Variants in SLC15A2 observed in about 807,000 individuals in gnomAD.
The protein encoded by SLC15A2 is solute carrier family 15 member 2.
A neutral mutation model predicts 95.5 loss-of-function variants in SLC15A2; 77 were observed. The ratio of observed to expected loss-of-function variants is 0.81; its 90% CI spans 0.67 to 0.97. The LOEUF (loss-of-function observed/expected upper bound fraction) is 0.97, where lower values mean the gene tolerates loss of function less well. Among genes scored for constraint, SLC15A2 ranks in the 50% least tolerant of loss-of-function variants. The pLI is 0.00. For missense variants in SLC15A2, 893 were observed against 874.4 expected (o/e 1.02, Z -0.27); for synonymous variants, 306 against 306.9 (o/e 1.00, Z 0.03).
intron 3 of SLC15A2, among the ~76,000 whole-genome samples, chr3:121,911,190 C>T (rs1056305596): frequency 1.3e-5 from 2 of 152,216 alleles, no homozygotes; most frequent in Non-Finnish European, 2.9e-5. Context: ...ATATCCTCTT[C>T]TACTGGTTCT....
chr3:121,898,250 C>T (rs1217854044), intron 3 of SLC15A2, among the ~76,000 whole-genome samples: 2 of 151,990 alleles, frequency 1.3e-5, no homozygotes, highest in African/African-American at 2.4e-5. Context: ...TATCCCACCT[C>T]CTTTAGGATC....
chr3:121,909,266 T>C (rs1389131181), intron 3 of SLC15A2, among the ~76,000 whole-genome samples: 1 of 152,090 alleles, frequency 6.6e-6, no homozygotes, highest in Admixed American at 6.5e-5. Flanking sequence ...TTTCACTGTG[T>C]TGGCCAGGCT....
chr3:121,933,605 G>T (rs1710276836), intron 19 of SLC15A2, among the ~76,000 whole-genome samples: 1 of 149,410 alleles, frequency 6.7e-6, no homozygotes, highest in African/African-American at 2.5e-5. Context: ...TTTTTGATGG[G>T]GTTGTTTGTT....
At chr3:121,940,620 C>A in intron 21 of SLC15A2, 132 bp downstream of exon 21, 1 of 847,252 alleles carries the variant, frequency 1.2e-6, no homozygotes, top group Non-Finnish European at 1.9e-6. Context: ...GTTAGATATA[C>A]AGACTTTACC....
intron 19 of SLC15A2, among the ~76,000 whole-genome samples, chr3:121,935,633 C>T (rs550352955): frequency 2.7e-4 from 41 of 151,728 alleles, no homozygotes; most frequent in African/African-American, 7.3e-4. Context: ...TTTTTTATTG[C>T]GTCTATTTGA....
intron 1 of SLC15A2, among the ~76,000 whole-genome samples, chr3:121,895,623 A>T (rs1219818500): frequency 6.6e-6 from 1 of 152,226 alleles, no homozygotes; most frequent in East Asian, 1.9e-4. Flanking sequence ...TGTACTGAGG[A>T]CAGATACCTC....
intron 5 of SLC15A2, chr3:121,914,989 A>C: frequency 2.4e-6 from 3 of 1,266,786 alleles, no homozygotes; most frequent in Non-Finnish European, 3.0e-6. Flanking sequence ...GATTATTTTT[A>C]ACCTATGAAA....
At chr3:121,897,890 G>A (rs747793136) in intron 3 of SLC15A2, among the ~76,000 whole-genome samples, 8 of 152,110 alleles carry the variant, frequency 5.3e-5, no homozygotes, top group East Asian at 1.9e-4. Context: ...AGCCAGGTGC[G>A]GTGGCTCACG....
At chr3:121,936,269 T>A (rs1710344355) in intron 19 of SLC15A2, among the ~76,000 whole-genome samples, 1 of 152,206 alleles carries the variant, frequency 6.6e-6, no homozygotes, top group African/African-American at 2.4e-5. Flanking sequence ...GTTCTGTAGA[T>A]GTCTATTAGG....
At chr3:121,905,077 G>T (rs1164073141) in intron 3 of SLC15A2, among the ~76,000 whole-genome samples, 1 of 152,122 alleles carries the variant, frequency 6.6e-6, no homozygotes, top group Non-Finnish European at 1.5e-5. Flanking sequence ...TTTAGTCTTG[G>T]GAGGGTGTAT....
chr3:121,931,949 G>C (rs565224796), intron 19 of SLC15A2, among the ~76,000 whole-genome samples: 35 of 152,176 alleles, frequency 2.3e-4, no homozygotes, highest in Non-Finnish European at 4.4e-4. Context: ...GCGCAGGCTG[G>C]AGTGCTGTGG....
chr3:121,937,804 A>G (rs1416976173), intron 19 of SLC15A2, among the ~76,000 whole-genome samples: 1 of 152,150 alleles, frequency 6.6e-6, no homozygotes, highest in Non-Finnish European at 1.5e-5. Flanking sequence ...TCCGTTGCTG[A>G]TGAGGAACTG....
intron 10 of SLC15A2, 35 bp downstream of exon 10, chr3:121,923,164 A>C: frequency 6.2e-7 from 1 of 1,613,266 alleles, no homozygotes; most frequent in Non-Finnish European, 8.5e-7. Context: ...ACCGCTCCTT[A>C]CAGCCACTTC....
intron 3 of SLC15A2, among the ~76,000 whole-genome samples, chr3:121,899,337 T>C (rs548694823): frequency 2.6e-5 from 4 of 152,282 alleles, no homozygotes; most frequent in East Asian, 1.9e-4. Context: ...TCAGTTTTTA[T>C]GTATGTATCA....
chr3:121,936,337 T>G (rs1448208967), intron 19 of SLC15A2, among the ~76,000 whole-genome samples: 2 of 152,070 alleles, frequency 1.3e-5, no homozygotes, highest in East Asian at 1.9e-4. Flanking sequence ...TTTCTGTCTC[T>G]TTGATCTGTC....
chr3:121,907,146 A>G (rs1157602307), intron 3 of SLC15A2, among the ~76,000 whole-genome samples: 1 of 152,126 alleles, frequency 6.6e-6, no homozygotes, highest in East Asian at 1.9e-4. Context: ...TGAATCAGCT[A>G]TTGAAGCTTG....
intron 18 of SLC15A2, among the ~76,000 whole-genome samples, chr3:121,931,172 C>T (rs1441892801): frequency 6.6e-6 from 1 of 152,172 alleles, no homozygotes; most frequent in Non-Finnish European, 1.5e-5. Flanking sequence ...ATATAGTTAA[C>T]ACAGCCCATC....
chr3:121,913,203 T>C (rs1240548142), intron 5 of SLC15A2, 83 bp downstream of exon 5: 12 of 1,026,076 alleles, frequency 1.2e-5, no homozygotes, highest in South Asian at 2.7e-5. Context: ...TTTGCCAAGA[T>C]TGAAGTAATG....
intron 1 of SLC15A2, among the ~76,000 whole-genome samples, chr3:121,894,844 A>G (rs1709388072): frequency 6.6e-6 from 1 of 152,174 alleles, no homozygotes; most frequent in Non-Finnish European, 1.5e-5. Flanking sequence ...TCCCTGGGGG[A>G]AAAAAGCAAT....
Sources: allele counts gnomAD v4.1 joint callset (sites outside exome capture counted in the v4.1 genomes callset), GRCh38; gene constraint gnomAD v4.1.1; transcripts MANE v1.5; gene names NCBI Gene and HGNC (gene_info 2026-07-23, HGNC 2026-07-21).